Variants in UTRN observed in about 807,000 individuals in gnomAD.
The protein encoded by UTRN is dystrophin-related protein 1.
In UTRN, 283 loss-of-function variants were observed where a neutral mutation model predicts 463.9. The ratio of observed to expected loss-of-function variants is 0.61; its 90% CI spans 0.55 to 0.67. UTRN has a LOEUF of 0.67. UTRN is among the 30% of genes least tolerant of loss of function. The pLI, the probability that UTRN is intolerant of heterozygous loss-of-function variation, is 0.00. For synonymous variants in UTRN, 1,442 were observed against 1,431.5 expected, an observed-to-expected ratio of 1.01 and a Z score of -0.17; for missense variants, 3,922 against 4,084.3, an observed-to-expected ratio of 0.96 and a Z score of 1.08.
intron 53 of UTRN, among the ~76,000 whole-genome samples, chr6:144,726,032 C>CT (rs140730954): frequency 1.8e-3 from 262 of 148,838 alleles, no homozygotes; most frequent in African/African-American, 4.9e-3. Flanking sequence ...ATTTCTTTTT[C>CT]TTTTTTTTTT....
chr6:144,439,323 C>G (rs2114897909), intron 12 of UTRN, among the ~76,000 whole-genome samples: 1 of 152,180 alleles, frequency 6.6e-6, no homozygotes, highest in South Asian at 2.1e-4. Context: ...ATAAACTTTT[C>G]ATAGTCAAGA....
chr6:144,460,748 C>A (rs2128561046), intron 21 of UTRN, among the ~76,000 whole-genome samples: 1 of 152,270 alleles, frequency 6.6e-6, no homozygotes, highest in Middle Eastern at 3.4e-3. Context: ...TCTCAGGGTA[C>A]CTGGGCAGCA....
chr6:144,288,408 G>T (rs183930735), intron 1 of UTRN, among the ~76,000 whole-genome samples: 1 of 152,136 alleles, frequency 6.6e-6, no homozygotes, highest in East Asian at 1.9e-4. Context: ...GGAGATCTTG[G>T]CTAAGACCAA....
chr6:144,786,151 C>T (rs901933516), intron 61 of UTRN, among the ~76,000 whole-genome samples: 1 of 152,266 alleles, frequency 6.6e-6, no homozygotes, highest in African/African-American at 2.4e-5. Flanking sequence ...TTTACTGTCT[C>T]CCTCTTGTCT....
At position 144,840,735 on chromosome 6, in the gene UTRN, C is replaced by T. The variant is rs1781496045; in HGVS notation, c.10178-5C>T. On this transcript the variant is annotated splice_polypyrimidine_tract_variant and splice_region_variant and intron_variant, in intron 72 of 74. Coordinates refer to ENST00000367545, the MANE Select transcript of UTRN (RefSeq NM_007124.3). ...CTTTGTTGTTCTCTTTATTTGCTGT[C>T]ACAGCGGGAGAGGACCTGCTGGCCC... is the stretch of plus-strand genomic sequence containing the variant. 6.2e-7 allele frequency: 1 copy of T among 1,613,646 alleles called. No individual in the cohort carries two copies. Among genetic ancestry groups the T allele is most frequent in the Non-Finnish European group, 8.5e-7 (1 of 1,179,830 alleles).
At chr6:144,423,963 T>G (rs1361915583) in intron 5 of UTRN, 23 bp from the exon 6 acceptor site, 3 of 1,605,988 alleles carry the variant, frequency 1.9e-6, no homozygotes, top group Admixed American at 3.5e-5. Context: ...TTTTTGTTTT[T>G]GTTTTTTGTT....
At chr6:144,577,369 T>A in intron 51 of UTRN, 81 bp downstream of exon 51, 1 of 1,424,504 alleles carries the variant, frequency 7.0e-7, no homozygotes. Context: ...GTGTTACCCT[T>A]AAAAGGTGAA....
rs1781054199 is a variant in UTRN at position 144,835,819 on chromosome 6, A to G, written c.9705A>G (p.Thr3235=). 6.2e-7 allele frequency: 1 copy of G among 1,613,898 alleles called. No homozygotes were observed. The highest frequency in any genetic ancestry group is 8.5e-7 in the Non-Finnish European group (1 of 1,179,984). ...EHALIQQYCQ[T]LGGESPVSQP... ...CCCTCATCCAGCAGTATTGCCAAAC[A>G]CTCGGAGGAGAGTCCCCAGTGAGCC... The change falls in exon 70 of 75, where the codon ACA becomes ACG. Residue 3235 remains threonine (T), a synonymous_variant. Transcript: ENST00000367545.
chr6:144,592,960 A>T (rs566566418), intron 51 of UTRN, among the ~76,000 whole-genome samples: 1 of 152,326 alleles, frequency 6.6e-6, no homozygotes, highest in Non-Finnish European at 1.5e-5. Flanking sequence ...CTAAAATGGG[A>T]TGCAACAAAT....
At chr6:144,668,509 A>G (rs1780658756) in intron 51 of UTRN, among the ~76,000 whole-genome samples, 1 of 152,238 alleles carries the variant, frequency 6.6e-6, no homozygotes, top group Admixed American at 6.5e-5. Context: ...ACAAAATGCC[A>G]TAGACTGAGT....
At chr6:144,611,089 C>G (rs1300610301) in intron 51 of UTRN, among the ~76,000 whole-genome samples, 1 of 152,082 alleles carries the variant, frequency 6.6e-6, no homozygotes, top group Non-Finnish European at 1.5e-5. Context: ...ATCACAGTAA[C>G]AAAATGAATT....
At chr6:144,395,007 G>A (rs1393003496) in intron 2 of UTRN, among the ~76,000 whole-genome samples, 1 of 152,004 alleles carries the variant, frequency 6.6e-6, no homozygotes, top group Non-Finnish European at 1.5e-5. Context: ...TATACATCTA[G>A]AATTATATGT....
At chr6:144,545,587 A>G (rs1490841695) in intron 46 of UTRN, among the ~76,000 whole-genome samples, 1 of 152,144 alleles carries the variant, frequency 6.6e-6, no homozygotes, top group East Asian at 1.9e-4. Flanking sequence ...TTCATGTTTC[A>G]CATACTCACT....
intron 2 of UTRN, among the ~76,000 whole-genome samples, chr6:144,369,021 T>C (rs1457721120): frequency 6.6e-6 from 1 of 152,180 alleles, no homozygotes; most frequent in African/African-American, 2.4e-5. Context: ...GTTCATAAAC[T>C]TTTTTTGGAT....
intron 2 of UTRN, among the ~76,000 whole-genome samples, chr6:144,303,427 C>T (rs1252543870): frequency 6.6e-6 from 1 of 152,184 alleles, no homozygotes; most frequent in African/African-American, 2.4e-5. Context: ...TTTTTCAAAT[C>T]GTACTGTAAT....
At chr6:144,708,386 T>C (rs1586139594) in intron 53 of UTRN, 1 of 643,452 alleles carries the variant, frequency 1.6e-6, no homozygotes, top group East Asian at 3.4e-5. Context: ...TTAGATAAAG[T>C]GTTTAGAGGC....
At chr6:144,815,532 C>T (rs540550456) in intron 65 of UTRN, among the ~76,000 whole-genome samples, 9 of 152,298 alleles carry the variant, frequency 5.9e-5, no homozygotes, top group East Asian at 5.8e-4. Context: ...AGTCTGTGGC[C>T]GAAGGCCCAA....
intron 35 of UTRN, among the ~76,000 whole-genome samples, chr6:144,512,386 G>A (rs1245923620): frequency 6.6e-6 from 1 of 152,064 alleles, no homozygotes; most frequent in East Asian, 1.9e-4. Flanking sequence ...CTGCTTAATA[G>A]GGGTAAACAA....
At chr6:144,360,312 A>G (rs1778967803) in intron 2 of UTRN, among the ~76,000 whole-genome samples, 1 of 151,736 alleles carries the variant, frequency 6.6e-6, no homozygotes, top group Non-Finnish European at 1.5e-5. Context: ...AGCTGGGATT[A>G]CAGGTGCCTG....
Sources: allele counts gnomAD v4.1 joint callset (sites outside exome capture counted in the v4.1 genomes callset), GRCh38; gene constraint gnomAD v4.1.1; transcripts MANE v1.5; gene names NCBI Gene and HGNC (gene_info 2026-07-23, HGNC 2026-07-21).